SLCO1B3: variants seen among roughly 807,000 people sequenced by gnomAD.
SLCO1B3 encodes liver-specific organic anion transporter 2.
SLCO1B3 carries 72 observed loss-of-function variants against 71.8 expected under a neutral mutation model. That is an observed-to-expected ratio of 1.00 (90% CI 0.83 to 1.22). The LOEUF is 1.22. SLCO1B3 is among the 50% of genes most tolerant of loss of function. The pLI is 0.00. For missense variants in SLCO1B3, 911 were observed against 819.7 expected (o/e 1.11, Z -1.36); for synonymous variants, 298 against 278.4 (o/e 1.07, Z -0.70).
At chr12:20,843,588 G>A (rs1864846406) in intron 3 of SLCO1B3, among the ~76,000 whole-genome samples, 1 of 151,926 alleles carries the variant, frequency 6.6e-6, no homozygotes, top group African/African-American at 2.4e-5. Flanking sequence ...AGACCATCCT[G>A]GCTAACATGG....
At chr12:20,830,030 G>T (rs1427683676) in intron 3 of SLCO1B3, among the ~76,000 whole-genome samples, 3 of 152,136 alleles carry the variant, frequency 2.0e-5, no homozygotes, top group African/African-American at 7.2e-5. Flanking sequence ...CTCATCCTGT[G>T]ACTTAGAATG....
intron 10 of SLCO1B3, 40 bp downstream of exon 10, chr12:20,877,976 C>T (rs759241585): frequency 3.8e-6 from 5 of 1,329,906 alleles, no homozygotes; most frequent in Admixed American, 2.0e-5. Context: ...ATAAATGAAA[C>T]ACTGCTGAGT....
At chr12:20,858,144 T>G (rs1350273837) in intron 4 of SLCO1B3, among the ~76,000 whole-genome samples, 2 of 152,066 alleles carry the variant, frequency 1.3e-5, no homozygotes, top group Non-Finnish European at 2.9e-5. Context: ...GAAGACATTT[T>G]CCATTCCAAT....
intron 3 of SLCO1B3, among the ~76,000 whole-genome samples, chr12:20,843,355 A>G (rs111289824): frequency 0.017 from 2,596 of 152,212 alleles, 28 homozygotes; most frequent in Non-Finnish European, 0.028. Flanking sequence ...TATCTTCCGA[A>G]TTTGATTTCA....
chr12:20,897,707 G>A (rs1023603635), intron 13 of SLCO1B3, among the ~76,000 whole-genome samples: 40 of 152,240 alleles, frequency 2.6e-4, no homozygotes, highest in African/African-American at 9.6e-4. Flanking sequence ...GTAAAAGTGG[G>A]TTATTTGAGC....
rs370221147 is a variant in SLCO1B3, at chr12:20,854,351, ATGTT to A, written c.85-671_85-668del. ...GTCCATTTTTCCTTCAGTTGTATCT[ATGTT>A]TGTTTCATATATCTCATTGCTTTAG... On this transcript the variant is annotated intron_variant, in intron 3 of 15. Transcript: ENST00000381545. Among the ~76,000 whole-genome samples, 123 of 152,068 alleles carry A rather than the reference ATGTT, an allele frequency of 8.1e-4. 2 individuals carry two copies. In the South Asian group the frequency reaches 0.025, roughly 30 times the overall value.
chr12:20,822,689 G>T (rs372155740), intron 3 of SLCO1B3, among the ~76,000 whole-genome samples: 1 of 152,310 alleles, frequency 6.6e-6, no homozygotes, highest in Middle Eastern at 3.4e-3. Context: ...GGAATGGTCA[G>T]TTATTTATTT....
intron 3 of SLCO1B3, among the ~76,000 whole-genome samples, chr12:20,816,849 T>G (rs550994956): frequency 6.6e-6 from 1 of 152,286 alleles, no homozygotes; most frequent in African/African-American, 2.4e-5. Context: ...CTCCACAACC[T>G]CACCAGCATT....
chr12:20,878,123 T>C (rs932649300), intron 10 of SLCO1B3, among the ~76,000 whole-genome samples, 187 bp downstream of exon 10: 2 of 152,088 alleles, frequency 1.3e-5, no homozygotes, highest in African/African-American at 4.8e-5. Context: ...TTGCATCTCA[T>C]GTTAGGTGAA....
At chr12:20,843,565 G>C (rs1269450485) in intron 3 of SLCO1B3, among the ~76,000 whole-genome samples, 4 of 152,068 alleles carry the variant, frequency 2.6e-5, no homozygotes, top group African/African-American at 9.7e-5. Flanking sequence ...TGGATCACAA[G>C]ATCAGGAGAT....
chr12:20,903,994 C>T (rs1237910319), intron 15 of SLCO1B3, among the ~76,000 whole-genome samples: 2 of 152,106 alleles, frequency 1.3e-5, no homozygotes, highest in African/African-American at 4.8e-5. Flanking sequence ...AATCCCAGCA[C>T]TTTGGGAGGC....
intron 6 of SLCO1B3, among the ~76,000 whole-genome samples, chr12:20,861,948 AAAT>A (rs1302497746): frequency 1.5e-5 from 1 of 66,772 alleles, no homozygotes; most frequent in Non-Finnish European, 5.3e-5. Context: ...GAATAAAAAA[AAAT>A]ATTTTGTAAC....
intron 4 of SLCO1B3, among the ~76,000 whole-genome samples, chr12:20,857,647 A>T (rs1865167948): frequency 6.6e-6 from 1 of 152,114 alleles, no homozygotes; most frequent in Non-Finnish European, 1.5e-5. Flanking sequence ...ATTTTTTTTA[A>T]AAAAAGTTTC....
chr12:20,819,048 A>T (rs976047162), intron 3 of SLCO1B3, among the ~76,000 whole-genome samples: 1 of 152,218 alleles, frequency 6.6e-6, no homozygotes, highest in Middle Eastern at 3.2e-3. Flanking sequence ...AGTTGAGCAT[A>T]GTTTGTGATT....
At chr12:20,880,147 C>T (rs1196964027) in intron 11 of SLCO1B3, among the ~76,000 whole-genome samples, 1 of 150,394 alleles carries the variant, frequency 6.6e-6, no homozygotes, top group Non-Finnish European at 1.5e-5. Context: ...TAAGCTTAAA[C>T]ATTATACAAA....
intron 3 of SLCO1B3, among the ~76,000 whole-genome samples, chr12:20,847,529 T>C (rs1864942375): frequency 8.8e-6 from 1 of 114,180 alleles, no homozygotes; most frequent in Non-Finnish European, 2.1e-5. Context: ...AACCCAGCTT[T>C]CAGAATTATG....
chr12:20,811,995 C>T (rs1016119484), intron 1 of SLCO1B3, among the ~76,000 whole-genome samples: 1 of 150,280 alleles, frequency 6.7e-6, no homozygotes, highest in Admixed American at 6.7e-5. Context: ...ACAACCTCAG[C>T]CTCCTGGGTT....
At chr12:20,874,008 G>A (rs1451255940) in intron 8 of SLCO1B3, among the ~76,000 whole-genome samples, 1 of 152,080 alleles carries the variant, frequency 6.6e-6, no homozygotes. Context: ...GTCTATCATT[G>A]ATGGGTATTT....
At chr12:20,850,274 T>G (rs1053785590) in intron 3 of SLCO1B3, among the ~76,000 whole-genome samples, 1 of 148,938 alleles carries the variant, frequency 6.7e-6, no homozygotes, top group Non-Finnish European at 1.5e-5. Context: ...ATTTATTTAT[T>G]TATTTATTTA....
Sources: gnomAD v4.1 joint callset for allele counts (sites outside exome capture counted in the v4.1 genomes callset) on GRCh38, gnomAD v4.1.1 for gene constraint, MANE v1.5 for transcripts, NCBI Gene and HGNC (gene_info 2026-07-23, HGNC 2026-07-21) for gene names.